The following EVPL variants were observed in gnomAD, a reference collection of about 807,000 sequenced individuals.
The protein encoded by EVPL is envoplakin, also known as 210 kDa cornified envelope precursor protein.
A neutral mutation model predicts 129.7 loss-of-function variants in EVPL; 94 were observed. The ratio of observed to expected loss-of-function variants is 0.72; its 90% CI spans 0.61 to 0.86. EVPL has a LOEUF of 0.86. Among genes scored for constraint, EVPL ranks in the 40% least tolerant of loss-of-function variants. The pLI is 0.00. For synonymous variants in EVPL, 1,172 were observed against 1,191.1 expected, an observed-to-expected ratio of 0.98 and a Z score of 0.33; for missense variants, 2,625 against 2,721.1, an observed-to-expected ratio of 0.96 and a Z score of 0.79.
At chr17:76,023,713 C>T in intron 2 of EVPL, 59 bp from the exon 3 acceptor site, 1 of 1,476,392 alleles carries the variant, frequency 6.8e-7, no homozygotes, top group Non-Finnish European at 9.0e-7. Context: ...CCCTGCTGCC[C>T]ATCACTGTGG....
At position 76,013,244 on chromosome 17, in the gene EVPL, T is replaced by G. The variant is rs1458335447; in HGVS notation, c.2374-1155A>C. Among the ~76,000 whole-genome samples the G allele has an allele frequency of 6.6e-6, 1 of 152,160 alleles. No individual in the cohort carries two copies. Among genetic ancestry groups the G allele is most frequent in the East Asian group, 1.9e-4 (1 of 5,198 alleles). On this transcript the variant is annotated intron_variant, in intron 18 of 21. Coordinates refer to ENST00000301607, the MANE Select transcript of EVPL (RefSeq NM_001988.4). The surrounding 1 kb of genome is among the most constrained non-coding windows in gnomAD (Gnocchi z 4.3). ...GCCTGGGGATGTTTTAAAAGCTCTCTGGGAGATTCTAGTTTGCAGCCAGGG... is the reference window on the plus strand; with the variant it reads ...GCCTGGGGATGTTTTAAAAGCTCTCGGGGAGATTCTAGTTTGCAGCCAGGG...
Position 76,009,570 on chromosome 17 carries a change from C to G in EVPL, c.3635G>C (p.Arg1212Pro). ...CATCTCCTGCAGCTTGGCCTTGAGCCGAGTGATCTCCTGCTCTGTCTCCGG... is the reference window on the plus strand; with the variant it reads ...CATCTCCTGCAGCTTGGCCTTGAGCGGAGTGATCTCCTGCTCTGTCTCCGG... The part of the protein sequence containing the change: ...VDPETEQEIT[R>P]LKAKLQEMAG... The change falls in exon 22 of 22, where the codon CGG (arginine) becomes CCG (proline). Residue 1212 changes from arginine (R) to proline (P), a missense_variant. Transcript: ENST00000301607. This position sits in a 1 kb window ranked among gnomAD's most constrained non-coding sequence, Gnocchi z 5.9. The G allele has an allele frequency of 1.2e-6, 2 of 1,614,098 alleles. No individual in the cohort carries two copies. Among genetic ancestry groups the G allele is most frequent in the South Asian group, 2.2e-5 (2 of 91,090 alleles).
intron 14 of EVPL, among the ~76,000 whole-genome samples, chr17:76,016,015 G>T (rs564127869): frequency 3.3e-5 from 5 of 152,272 alleles, no homozygotes. Flanking sequence ...GTAGCAGCGC[G>T]CACCTGCAAT....
intron 9 of EVPL, among the ~76,000 whole-genome samples, chr17:76,020,784 T>A (rs545907153): frequency 2.0e-5 from 3 of 152,128 alleles, no homozygotes; most frequent in African/African-American, 7.2e-5. Flanking sequence ...CTGGAACTAC[T>A]GGTGTCAAGC....
chr17:76,009,411 T>G lies in EVPL; in HGVS notation c.3794A>C (p.Glu1265Ala). Residue 1265 changes from glutamate to alanine, a missense_variant, in exon 22 of 22, where the codon GAG (glutamate) becomes GCG (alanine). Glu to Ala is a moderately radical substitution (Grantham distance 107, BLOSUM62 -1). Transcript: ENST00000301607. The surrounding 1 kb of genome is among the most constrained non-coding windows in gnomAD (Gnocchi z 5.9). ...CAGGCGGTCGATCTCACGCAGCACC[T>G]CGGGGCTCCTCTCATGCCTCACCAC... is the stretch of plus-strand genomic sequence containing the variant. ...QEVVRHERSP[E>A]VLREIDRLKA... 6.2e-7 allele frequency: 1 copy of G among 1,614,010 alleles called. No individual in the cohort carries two copies. The highest frequency in any genetic ancestry group is 8.5e-7 in the Non-Finnish European group (1 of 1,179,988).
chr17:76,018,737 G>A (rs182609360), intron 11 of EVPL, 137 bp from the exon 12 acceptor site: 208 of 1,217,768 alleles, frequency 1.7e-4, no homozygotes, highest in African/African-American at 1.5e-3. Flanking sequence ...GAGGTGCTGG[G>A]GTAGAAAAGA....
Position 76,015,470 on chromosome 17 carries a change from C to G in EVPL, c.1869G>C (p.Leu623=), listed in dbSNP as rs2066412628. The G allele has an allele frequency of 1.9e-6, 3 of 1,613,316 alleles. No homozygotes were observed. The African/African-American group carries it at 4.0e-5, about 21-fold the overall frequency. Residue 623 remains leucine (L), a synonymous_variant, in exon 15 of 22, where the codon CTG becomes CTC. Coordinates refer to ENST00000301607, the MANE Select transcript of EVPL (RefSeq NM_001988.4). ...VKNKFSDVQV[L]CSLYGEKAKA... ...CTCACTTCTCCCCGTAGAGGCTGCA[C>G]AGAACCTGCACGTCACTGAACTTGT...
rs368302291 is a variant in EVPL at position 76,014,487 on chromosome 17, C to G, written c.2312G>C (p.Arg771Pro). Residue 771 changes from arginine (R) to proline (P), a missense_variant, in exon 18 of 22, where the codon CGC (arginine) becomes CCC (proline). By Grantham distance (103) the Arg-to-Pro change is moderately radical. Coordinates refer to ENST00000301607, the MANE Select transcript of EVPL (RefSeq NM_001988.4). ...GCCGTCGCTGGGCCGCACCTGGCTGCGGGGCAGGTGCTCCAGCCAGGAGCT... is the reference window on the plus strand; with the variant it reads ...GCCGTCGCTGGGCCGCACCTGGCTGGGGGGCAGGTGCTCCAGCCAGGAGCT... ...NLSSWLEHLP[R>P]SQVRPSDGPS... 1.4e-5 allele frequency: 22 copies of G among 1,611,576 alleles called. No homozygotes were observed. In the African/African-American group the frequency reaches 2.8e-4, roughly 21 times the overall value.
In EVPL at chr17:76,014,458, T is replaced by C. The variant is rs762723129; in HGVS notation, c.2341A>G (p.Ser781Gly). ...RSQVRPSDGP[S>G]QIAYKLQAQK... is the part of the protein sequence containing the mutation. ...GCCTGCAGCTTGTAGGCGATCTGGC[T>C]GGGGCCGTCGCTGGGCCGCACCTGG... Residue 781 changes from serine (S) to glycine (G), a missense_variant, in exon 18 of 22, where the codon AGC (serine) becomes GGC (glycine). Coordinates refer to ENST00000301607, the MANE Select transcript of EVPL (RefSeq NM_001988.4). 7 of 1,611,608 alleles carry C rather than the reference T, an allele frequency of 4.3e-6. No individual in the cohort carries two copies. In the Admixed American group the frequency reaches 1.0e-4, roughly 23 times the overall value.
At position 76,013,007 on chromosome 17, in the gene EVPL, G is replaced by T. The variant is rs2066390765; in HGVS notation, c.2374-918C>A. 6.6e-6 allele frequency among the ~76,000 whole-genome samples: 1 copy of T among 152,152 alleles called. No individual in the cohort carries two copies. Among genetic ancestry groups the T allele is most frequent in the South Asian group, 2.1e-4 (1 of 4,824 alleles). The stretch of plus-strand genomic sequence containing the variant: ...GATCCGCCCGCCTTGGCCTCCCAAA[G>T]TGCTGGGATTACAGGCGTGAGCCAC... On this transcript the variant is annotated intron_variant, in intron 18 of 21. Coordinates refer to ENST00000301607, the MANE Select transcript of EVPL (RefSeq NM_001988.4). This position sits in a 1 kb window ranked among gnomAD's most constrained non-coding sequence, Gnocchi z 4.3.
chr17:76,009,215 T>G lies in EVPL; in HGVS notation c.3990A>C (p.Ala1330=). 1.2e-6 allele frequency: 2 copies of G among 1,608,880 alleles called. No individual in the cohort carries two copies. The highest frequency in any genetic ancestry group is 1.7e-5 in the Admixed American group (1 of 60,016). ...HEKDPVLEKE[A]ERLRQEVREA... ...CCCGCACCTCCTGGCGGAGCCGCTC[T>G]GCTTCTTTCTCCAGCACCGGGTCCT... The change falls in exon 22 of 22, where the codon GCA becomes GCC. Residue 1330 remains alanine (A), a synonymous_variant. Coordinates refer to ENST00000301607, the MANE Select transcript of EVPL (RefSeq NM_001988.4). This position sits in a 1 kb window ranked among gnomAD's most constrained non-coding sequence, Gnocchi z 5.9.
chr17:76,008,461 G>T lies in EVPL; in HGVS notation c.4744C>A (p.Gln1582Lys). The change falls in exon 22 of 22, where the codon CAG becomes AAG. Residue 1582 changes from glutamine to lysine, a missense_variant. Transcript: ENST00000301607. This position sits in a 1 kb window ranked among gnomAD's most constrained non-coding sequence, Gnocchi z 7.4. Reference sequence around the variant, plus strand: ...TGGTCGGCCTGGTCCCGGGCCCTCTGCAGCTCGGACTCCTCCCGGGACCAG... The same window carrying T: ...TGGTCGGCCTGGTCCCGGGCCCTCTTCAGCTCGGACTCCTCCCGGGACCAG... ...RTWSREESEL[Q>K]RARDQADQEC... The T allele has an allele frequency of 6.3e-7, 1 of 1,595,014 alleles. No homozygotes were observed. The highest frequency in any genetic ancestry group is 8.5e-7 in the Non-Finnish European group (1 of 1,176,052).
At position 76,023,487 on chromosome 17, in the gene EVPL, C is replaced by T; in HGVS notation, c.353+13G>A. The T allele has an allele frequency of 6.2e-7, 1 of 1,612,110 alleles. No individual in the cohort carries two copies. Among genetic ancestry groups the T allele is most frequent in the South Asian group, 1.1e-5 (1 of 91,042 alleles). On this transcript the variant is annotated intron_variant, in intron 3 of 21. Transcript: ENST00000301607. ...TCCCCAGGGACCCCCAGCCCTGCCG[C>T]AGCTCCACTCACTCCTTCTCAATCT...
Position 76,021,880 on chromosome 17 carries a change from C to T in EVPL, c.794G>A (p.Arg265Gln), listed in dbSNP as rs201328156. 601 of 1,558,272 alleles carry T rather than the reference C, an allele frequency of 3.9e-4. No homozygotes were observed. The highest frequency in any genetic ancestry group is 4.8e-4 in the Non-Finnish European group (560 of 1,159,242). The change falls in exon 7 of 22, where the codon CGG becomes CAG. Residue 265 changes from arginine (R) to glutamine (Q), a missense_variant. This residue lies in a region of EVPL where 1,024 missense variants were observed against 997.5 expected (regional missense o/e 1.03). Coordinates refer to ENST00000301607, the MANE Select transcript of EVPL (RefSeq NM_001988.4). ...CTGCCAGCCGACCTCGTACTCCCGC[C>T]GCACGCCCGCAGGGTCGGCCATGAG... ...SDLMADPAGV[R>Q]REYEHFKQHE... is the part of the protein sequence containing the mutation.
Position 76,007,204 on chromosome 17 carries a change from G to A in EVPL, c.6001C>T (p.Arg2001Cys), listed in dbSNP as rs142919387. ...AGCAGGCCGCTCAGGGGGTCTTTGC[G>A]GCAGCGGCCCATGGCCTCCTTGTAG... ...LSYKEAMGRC[R>C]KDPLSGLLLL... The change falls in exon 22 of 22, where the codon CGC becomes TGC. Residue 2001 changes from arginine (R) to cysteine (C), a missense_variant. By Grantham distance (180) the Arg-to-Cys change is radical (BLOSUM62 -3). Around this residue, in one of 4 missense-constraint regions of EVPL, gnomAD observed 1,453 missense variants for 1,511.8 expected, o/e 0.96. Transcript: ENST00000301607. The surrounding 1 kb of genome is among the most constrained non-coding windows in gnomAD (Gnocchi z 8.8). 1.2e-4 allele frequency: 183 copies of A among 1,544,368 alleles called. No individual in the cohort carries two copies. The African/African-American group carries it at 2.1e-3, about 18-fold the overall frequency.
intron 13 of EVPL, 47 bp from the exon 14 acceptor site, chr17:76,017,958 G>T: frequency 3.1e-6 from 5 of 1,605,262 alleles, no homozygotes; most frequent in Non-Finnish European, 4.3e-6. Flanking sequence ...TCTCCAGACT[G>T]CCAGATAGGT....
Position 76,008,478 on chromosome 17 carries a change from C to A in EVPL, c.4727G>T (p.Arg1576Leu), listed in dbSNP as rs959240068. 1.9e-6 allele frequency: 3 copies of A among 1,598,206 alleles called. No homozygotes were observed. The highest frequency in any genetic ancestry group is 2.2e-5 in the South Asian group (2 of 90,252). ...RAETLGRTWS[R>L]EESELQRARD... ...GGCCCTCTGCAGCTCGGACTCCTCCCGGGACCAGGTTCTCCCCAGCGTCTC... is the reference window on the plus strand; with the variant it reads ...GGCCCTCTGCAGCTCGGACTCCTCCAGGGACCAGGTTCTCCCCAGCGTCTC... Residue 1576 changes from arginine (R) to leucine (L), a missense_variant, in exon 22 of 22, where the codon CGG becomes CTG. Physicochemically the swap from Arg to Leu is moderately radical, Grantham distance 102. This residue lies in a region of EVPL where 1,453 missense variants were observed against 1,511.8 expected (regional missense o/e 0.96). Coordinates refer to ENST00000301607, the MANE Select transcript of EVPL (RefSeq NM_001988.4). This position sits in a 1 kb window ranked among gnomAD's most constrained non-coding sequence, Gnocchi z 7.4.
chr17:76,017,487 C>T (rs55956828), intron 14 of EVPL, among the ~76,000 whole-genome samples: 41,861 of 151,990 alleles, frequency 0.28, 6,937 homozygotes, highest in African/African-American at 0.46. Context: ...AATGATCAGG[C>T]GAGCTGGGCA....
intron 4 of EVPL, 84 bp downstream of exon 4, chr17:76,023,208 T>C: frequency 8.2e-6 from 13 of 1,581,642 alleles, no homozygotes; most frequent in Non-Finnish European, 1.1e-5. Flanking sequence ...ACCCTGACTA[T>C]TCAAGCCTGC....
Sources: gnomAD v4.1 joint callset for allele counts (sites outside exome capture counted in the v4.1 genomes callset) on GRCh38, gnomAD v4.1.1 for gene constraint, gnomAD v4.1.1 regional missense constraint, Gnocchi (gnomAD v3.1) non-coding constraint, MANE v1.5 for transcripts, NCBI Gene and HGNC (gene_info 2026-07-23, HGNC 2026-07-21) for gene names.